The following CACNA1C variants were observed in gnomAD, a reference collection of about 807,000 sequenced individuals.
CACNA1C encodes the protein calcium voltage-gated channel subunit alpha1 C.
CACNA1C carries 30 observed loss-of-function variants against 229.0 expected under a neutral mutation model. The observed-to-expected ratio is 0.13, with a 90% CI of 0.10 to 0.18. CACNA1C has a LOEUF of 0.18. CACNA1C is among the 10% of genes least tolerant of loss of function. The pLI is 1.00. For missense variants in CACNA1C, 1,658 were observed against 2,845.0 expected, an observed-to-expected ratio of 0.58 and a Z score of 9.49; for synonymous variants, 1,114 against 1,132.5, an observed-to-expected ratio of 0.98 and a Z score of 0.33.
chr12:2,136,299 T>C (rs113548199), intron 3 of CACNA1C, among the ~76,000 whole-genome samples: 3,290 of 151,412 alleles, frequency 0.022, 133 homozygotes, highest in African/African-American at 0.075. Flanking sequence ...GCTGTTCCTA[T>C]TCGGCCATCT....
intron 3 of CACNA1C, among the ~76,000 whole-genome samples, chr12:2,166,940 A>G (rs563858529): frequency 5.3e-5 from 8 of 152,312 alleles, no homozygotes; most frequent in Admixed American, 2.0e-4. Context: ...CCTACACCAG[A>G]CGTAGTAACA....
At chr12:2,583,044 G>A (rs2061123254) in intron 15 of CACNA1C, 102 bp downstream of exon 15, 5 of 803,712 alleles carry the variant, frequency 6.2e-6, no homozygotes, top group South Asian at 1.6e-5. Context: ...TCCTGCTCGG[G>A]CTCACACCAC....
At chr12:2,136,999 A>C (rs572453383) in intron 3 of CACNA1C, among the ~76,000 whole-genome samples, 1 of 151,520 alleles carries the variant, frequency 6.6e-6, no homozygotes, top group Non-Finnish European at 1.5e-5. Flanking sequence ...TGGGGCCTTC[A>C]TGGGACCCCA....
chr12:1,977,649 G>A (rs1311526333), intron 1 of CACNA1C, among the ~76,000 whole-genome samples: 1 of 152,186 alleles, frequency 6.6e-6, no homozygotes, highest in Non-Finnish European at 1.5e-5. Flanking sequence ...TAAGGGGCCT[G>A]TAATTTATTA....
intron 1 of CACNA1C, among the ~76,000 whole-genome samples, chr12:1,973,319 A>C (rs903564743): frequency 2.6e-5 from 4 of 152,142 alleles, no homozygotes; most frequent in African/African-American, 9.7e-5. Context: ...GGTGACTAAT[A>C]CTCATGAACA....
At chr12:2,415,393 C>T (rs1167913716) in intron 3 of CACNA1C, among the ~76,000 whole-genome samples, 9 of 152,140 alleles carry the variant, frequency 5.9e-5, no homozygotes, top group African/African-American at 1.2e-4. Context: ...GTGGAGGCCG[C>T]GCAGCGCCCC....
intron 1 of CACNA1C, among the ~76,000 whole-genome samples, chr12:2,012,486 A>C (rs12320031): frequency 2.0e-5 from 3 of 152,196 alleles, no homozygotes; most frequent in South Asian, 2.1e-4. Context: ...AATATTTACT[A>C]TCTAGTCCTT....
At chr12:1,996,360 G>A (rs1402297254) in intron 1 of CACNA1C, among the ~76,000 whole-genome samples, 1 of 151,820 alleles carries the variant, frequency 6.6e-6, no homozygotes, top group African/African-American at 2.4e-5. Context: ...ACCAGTATAA[G>A]CCCTCTGCAC....
intron 42 of CACNA1C, among the ~76,000 whole-genome samples, chr12:2,681,325 GCA>G (rs1168869754): frequency 6.6e-6 from 1 of 152,230 alleles, no homozygotes; most frequent in African/African-American, 2.4e-5. Flanking sequence ...ACAGTGCCCA[GCA>G]CACAGTCGGT....
chr12:2,076,794 G>A (rs1373867793), intron 1 of CACNA1C, among the ~76,000 whole-genome samples: 1 of 152,154 alleles, frequency 6.6e-6, no homozygotes, highest in African/African-American at 2.4e-5. Flanking sequence ...CTTGTTAGAC[G>A]GGTCACCCTG....
At chr12:2,526,871 C>T (rs1329244326) in intron 9 of CACNA1C, among the ~76,000 whole-genome samples, 4 of 152,040 alleles carry the variant, frequency 2.6e-5, no homozygotes, top group Admixed American at 1.3e-4. Context: ...TTAGTTCCTC[C>T]GACTGAAGAA....
chr12:2,251,623 A>G (rs2075646055), intron 3 of CACNA1C, among the ~76,000 whole-genome samples: 1 of 152,226 alleles, frequency 6.6e-6, no homozygotes, highest in South Asian at 2.1e-4. Flanking sequence ...GGCCCATGGG[A>G]ATGAACATAC....
At chr12:2,599,371 A>G (rs1226357762) in intron 21 of CACNA1C, among the ~76,000 whole-genome samples, 1 of 152,202 alleles carries the variant, frequency 6.6e-6, no homozygotes, top group Non-Finnish European at 1.5e-5. Flanking sequence ...ATTTAGCACA[A>G]GGAACAGTGG....
At chr12:2,439,486 T>G (rs1172518178) in intron 3 of CACNA1C, among the ~76,000 whole-genome samples, 1 of 151,842 alleles carries the variant, frequency 6.6e-6, no homozygotes. Flanking sequence ...GCAGTGGAAG[T>G]GAAGAGCCCA....
intron 9 of CACNA1C, among the ~76,000 whole-genome samples, chr12:2,533,687 G>T (rs374821554): frequency 2.6e-5 from 4 of 152,190 alleles, no homozygotes; most frequent in South Asian, 4.1e-4. Context: ...GCCAGGTGGG[G>T]CTAGGGCAGC....
chr12:2,461,923 C>T (rs933696147), intron 5 of CACNA1C, among the ~76,000 whole-genome samples: 10 of 152,286 alleles, frequency 6.6e-5, no homozygotes, highest in Admixed American at 3.9e-4. Context: ...GGACCTAACA[C>T]GGCATTCAAA....
chr12:2,338,631 A>G (rs1328954621), intron 3 of CACNA1C, among the ~76,000 whole-genome samples: 2 of 152,048 alleles, frequency 1.3e-5, no homozygotes, highest in Non-Finnish European at 2.9e-5. Context: ...TGTCTGAGAG[A>G]TAGGGTTAGG....
intron 42 of CACNA1C, among the ~76,000 whole-genome samples, chr12:2,681,413 TGAA>T (rs1274469455): frequency 1.3e-5 from 2 of 152,194 alleles, no homozygotes; most frequent in African/African-American, 2.4e-5. Context: ...TTCAGCTTGG[TGAA>T]GAGGAGGAGC....
intron 3 of CACNA1C, among the ~76,000 whole-genome samples, chr12:2,180,189 G>A (rs1190855440): frequency 2.0e-5 from 3 of 152,222 alleles, no homozygotes; most frequent in Admixed American, 2.0e-4. Flanking sequence ...ACGCATGCAA[G>A]TATAAACACA....
Sources: gnomAD v4.1 joint callset for allele counts (sites outside exome capture counted in the v4.1 genomes callset) on GRCh38, gnomAD v4.1.1 for gene constraint, MANE v1.5 for transcripts, NCBI Gene and HGNC (gene_info 2026-07-23, HGNC 2026-07-21) for gene names.